PPP1R9A: variants seen among roughly 807,000 people sequenced by gnomAD.
The protein encoded by PPP1R9A is protein phosphatase 1 regulatory subunit 9A, also known as neurabin-1.
PPP1R9A carries 59 observed loss-of-function variants against 141.9 expected under a neutral mutation model. That is an observed-to-expected ratio of 0.42 (90% CI 0.34 to 0.52). The LOEUF is 0.52. PPP1R9A is among the 20% of genes least tolerant of loss of function. The pLI is 0.10. For missense variants in PPP1R9A, 1,444 were observed against 1,611.9 expected (o/e 0.90, Z 1.78); for synonymous variants, 500 against 569.7 (o/e 0.88, Z 1.74).
intron 8 of PPP1R9A, 112 bp downstream of exon 8, chr7:95,226,228 A>G: frequency 9.1e-7 from 1 of 1,100,762 alleles, no homozygotes; most frequent in Non-Finnish European, 1.2e-6. Context: ...AAGCTTTTTA[A>G]TAACAGGTTG....
At chr7:95,232,078 A>T (rs1034398247) in intron 8 of PPP1R9A, among the ~76,000 whole-genome samples, 1 of 152,156 alleles carries the variant, frequency 6.6e-6, no homozygotes, top group Non-Finnish European at 1.5e-5. Context: ...ATACCACAGA[A>T]ATAGAAAAGA....
At chr7:95,047,315 G>A (rs1302495682) in intron 2 of PPP1R9A, among the ~76,000 whole-genome samples, 1 of 152,170 alleles carries the variant, frequency 6.6e-6, no homozygotes, top group Admixed American at 6.5e-5. Flanking sequence ...TAGTTGATGT[G>A]TACTATGCCA....
At chr7:95,052,616 A>T (rs1303160249) in intron 2 of PPP1R9A, among the ~76,000 whole-genome samples, 1 of 152,210 alleles carries the variant, frequency 6.6e-6, no homozygotes, top group Non-Finnish European at 1.5e-5. Context: ...GGACATGCTT[A>T]AGAATTTATG....
chr7:95,108,414 C>T (rs1288849276), intron 2 of PPP1R9A, among the ~76,000 whole-genome samples: 1 of 142,994 alleles, frequency 7.0e-6, no homozygotes, highest in Non-Finnish European at 1.5e-5. Context: ...GGGTTCATGC[C>T]ATTCTCCTGC....
intron 4 of PPP1R9A, among the ~76,000 whole-genome samples, chr7:95,125,080 T>A (rs1158678909): frequency 6.6e-6 from 1 of 152,238 alleles, no homozygotes; most frequent in Non-Finnish European, 1.5e-5. Context: ...TATCCTATGA[T>A]GCCTTAAACT....
intron 14 of PPP1R9A, among the ~76,000 whole-genome samples, chr7:95,272,368 A>C (rs1802346555): frequency 6.6e-6 from 1 of 152,186 alleles, no homozygotes; most frequent in Admixed American, 6.5e-5. Context: ...CATTAGTAAA[A>C]TCACCTTAGA....
At chr7:95,189,433 CTT>C (rs1195484637) in intron 5 of PPP1R9A, among the ~76,000 whole-genome samples, 2 of 116,226 alleles carry the variant, frequency 1.7e-5, no homozygotes, top group Admixed American at 8.9e-5. Flanking sequence ...TTTGTTTATT[CTT>C]TTTTTTTTTT....
intron 2 of PPP1R9A, among the ~76,000 whole-genome samples, chr7:94,951,841 C>CT (rs71528100): frequency 8.3e-4 from 118 of 142,598 alleles, no homozygotes; most frequent in Middle Eastern, 3.6e-3. Context: ...CCATTTAGGA[C>CT]TTTTTTTTTT....
At chr7:95,004,358 G>A (rs1006819925) in intron 2 of PPP1R9A, among the ~76,000 whole-genome samples, 1 of 152,014 alleles carries the variant, frequency 6.6e-6, no homozygotes, top group Non-Finnish European at 1.5e-5. Flanking sequence ...TGGAAGGAGA[G>A]GAAGAGAGGA....
At chr7:94,928,866 G>A (rs1793806049) in intron 2 of PPP1R9A, among the ~76,000 whole-genome samples, 1 of 152,116 alleles carries the variant, frequency 6.6e-6, no homozygotes, top group African/African-American at 2.4e-5. Flanking sequence ...CTAAAAAGAT[G>A]TGCCACTCCA....
chr7:95,203,621 G>T (rs1484883930), intron 6 of PPP1R9A, 44 bp from the exon 7 acceptor site: 1 of 1,430,538 alleles, frequency 7.0e-7, no homozygotes, highest in African/African-American at 1.4e-5. Context: ...GCTCTCTGCG[G>T]TGGGGGTTAA....
chr7:95,027,889 A>T (rs1402085057), intron 2 of PPP1R9A, among the ~76,000 whole-genome samples: 1 of 152,180 alleles, frequency 6.6e-6, no homozygotes, highest in East Asian at 1.9e-4. Flanking sequence ...ATTGTCAGCC[A>T]AAACCTCTTT....
chr7:95,161,480 G>A (rs1830457285), intron 4 of PPP1R9A, among the ~76,000 whole-genome samples: 5 of 152,116 alleles, frequency 3.3e-5, no homozygotes, highest in African/African-American at 7.2e-5. Context: ...AAAATCTGCC[G>A]ATGCTCAAGT....
At chr7:95,069,313 C>G (rs145166429) in intron 2 of PPP1R9A, among the ~76,000 whole-genome samples, 2 of 152,024 alleles carry the variant, frequency 1.3e-5, no homozygotes, top group Non-Finnish European at 2.9e-5. Context: ...TATAACAAAC[C>G]TAAGTGTTTG....
chr7:95,139,333 A>G (rs1284100209), intron 4 of PPP1R9A, among the ~76,000 whole-genome samples: 1 of 152,184 alleles, frequency 6.6e-6, no homozygotes, highest in Admixed American at 6.5e-5. Flanking sequence ...TCACGAGAAC[A>G]GTATGGAGGA....
chr7:95,000,207 A>G (rs1802723627), intron 2 of PPP1R9A, among the ~76,000 whole-genome samples: 1 of 152,210 alleles, frequency 6.6e-6, no homozygotes, highest in Non-Finnish European at 1.5e-5. Context: ...CTAAACACTC[A>G]AAATAATGCT....
rs143293137 is a variant in PPP1R9A at position 95,140,896 on chromosome 7, T to A, written c.1649+20064T>A. ...ACCTGGCTAATTTATTTATTTATTT[T>A]TTTTAAAGAAGTGGGGCTTCGCCAT... On this transcript the variant is annotated intron_variant, in intron 4 of 19. Coordinates refer to ENST00000433360, the MANE Select transcript of PPP1R9A (RefSeq NM_001166160.2). 9.5e-4 allele frequency among the ~76,000 whole-genome samples: 145 copies of A among 152,240 alleles called. 1 individual carries two copies. Among genetic ancestry groups the A allele is most frequent in the African/African-American group, 2.9e-3 (119 of 41,526 alleles).
At chr7:94,983,326 T>C (rs1189790755) in intron 2 of PPP1R9A, among the ~76,000 whole-genome samples, 8 of 152,180 alleles carry the variant, frequency 5.3e-5, no homozygotes, top group African/African-American at 1.9e-4. Flanking sequence ...CTTTTTTGGT[T>C]CCATATGAAC....
intron 2 of PPP1R9A, among the ~76,000 whole-genome samples, chr7:94,930,690 T>C (rs571027352): frequency 6.6e-6 from 1 of 152,220 alleles, no homozygotes; most frequent in East Asian, 1.9e-4. Context: ...TAAGTAACTC[T>C]GAGGAAAGCC....
Sources: gnomAD v4.1 joint callset for allele counts (sites outside exome capture counted in the v4.1 genomes callset) on GRCh38, gnomAD v4.1.1 for gene constraint, MANE v1.5 for transcripts, NCBI Gene and HGNC (gene_info 2026-07-23, HGNC 2026-07-21) for gene names.